The following MTR variants were observed in gnomAD, a reference collection of about 807,000 sequenced individuals.
MTR encodes methionine synthase.
Under a neutral mutation model 154.8 loss-of-function variants are expected in MTR, and 84 were observed. That is an observed-to-expected ratio of 0.54 (90% CI 0.45 to 0.65). The LOEUF is 0.65. Ranked by LOEUF, MTR falls within the 30% of genes least tolerant of loss-of-function variation. The probability of loss-of-function intolerance (pLI) is 0.00; values close to 1 mark genes in which losing one functional copy is unlikely to be tolerated. For missense variants in MTR, 1,275 were observed against 1,570.2 expected, an observed-to-expected ratio of 0.81 and a Z score of 3.18; for synonymous variants, 554 against 553.9, an observed-to-expected ratio of 1.00 and a Z score of 0.00.
chr1:236,851,924 C>T (rs935757316), intron 16 of MTR, among the ~76,000 whole-genome samples: 1 of 152,124 alleles, frequency 6.6e-6, no homozygotes, highest in African/African-American at 2.4e-5. Context: ...ACATTATGAA[C>T]AATGCAGCTC....
intron 15 of MTR, among the ~76,000 whole-genome samples, chr1:236,847,580 T>C (rs971272321): frequency 2.6e-5 from 4 of 152,246 alleles, no homozygotes; most frequent in Non-Finnish European, 5.9e-5. Flanking sequence ...TCCTTCTTGC[T>C]GCTTAGAATC....
At chr1:236,875,825 A>G (rs1665400699) in intron 24 of MTR, among the ~76,000 whole-genome samples, 1 of 138,642 alleles carries the variant, frequency 7.2e-6, no homozygotes, top group South Asian at 2.3e-4. Flanking sequence ...TCAATAGGAT[A>G]TGTTTATATA....
intron 8 of MTR, among the ~76,000 whole-genome samples, chr1:236,818,619 G>A (rs1197449635): frequency 1.3e-5 from 2 of 152,068 alleles, no homozygotes; most frequent in East Asian, 1.9e-4. Context: ...TCTCTATTTC[G>A]TTACGAATCT....
chr1:236,858,593 G>A (rs1237316942), intron 18 of MTR, among the ~76,000 whole-genome samples: 1 of 152,168 alleles, frequency 6.6e-6, no homozygotes, highest in African/African-American at 2.4e-5. Context: ...GCATCCTTTT[G>A]GCTACAGTGT....
chr1:236,861,000 C>A, intron 19 of MTR, 125 bp from the exon 20 acceptor site: 1 of 804,308 alleles, frequency 1.2e-6, no homozygotes, highest in Non-Finnish European at 1.9e-6. Context: ...AGTCCATGCA[C>A]TCTGCTTCTG....
chr1:236,881,354 AT>A (rs1665724682), intron 25 of MTR, among the ~76,000 whole-genome samples: 1 of 152,136 alleles, frequency 6.6e-6, no homozygotes, highest in Admixed American at 6.5e-5. Flanking sequence ...GAAGCCTAAC[AT>A]TCTATCTTGT....
chr1:236,872,740 C>CCCAG (rs1665209979), intron 22 of MTR, among the ~76,000 whole-genome samples: 1 of 152,134 alleles, frequency 6.6e-6, no homozygotes, highest in Non-Finnish European at 1.5e-5. Context: ...AGCCTATAAT[C>CCCAG]CTAGCTCAAG....
intron 15 of MTR, among the ~76,000 whole-genome samples, chr1:236,848,335 A>G (rs571679229): frequency 2.0e-5 from 3 of 152,152 alleles, no homozygotes; most frequent in African/African-American, 7.2e-5. Context: ...AATGACCAGG[A>G]CCTTGACTTC....
chr1:236,823,473 A>G, intron 8 of MTR, among the ~76,000 whole-genome samples: 1 of 152,198 alleles, frequency 6.6e-6, no homozygotes, highest in East Asian at 1.9e-4. Flanking sequence ...TTTTCCACTG[A>G]TAATCTGTTT....
At chr1:236,872,873 G>C in intron 22 of MTR, among the ~76,000 whole-genome samples, 1 of 152,148 alleles carries the variant, frequency 6.6e-6, no homozygotes, top group East Asian at 1.9e-4. Context: ...GTTTAGTGGG[G>C]CATGCCTGTG....
Position 236,897,772 on chromosome 1 carries a change from C to T in MTR, c.*128C>T, listed in dbSNP as rs1222169679. On this transcript the variant is annotated 3_prime_UTR_variant, in exon 33 of 33. Transcript: ENST00000366577. ...CTGACACTTACCTGCTTCTGGTTTT[C>T]GAAGACTATTTAGTGGAACCTTGTA... 15 of 820,194 alleles carry T rather than the reference C, an allele frequency of 1.8e-5. No homozygotes were observed. The highest frequency in any genetic ancestry group is 1.0e-4 in the African/African-American group (6 of 58,004). The allele number at this position is 820,194 out of a possible 1,614,324, so 50.8% of individuals were successfully genotyped here.
rs970472545 is a variant in MTR, at chr1:236,852,468, T to C, written c.1696-53T>C. 4.6e-5 allele frequency: 60 copies of C among 1,291,692 alleles called. No homozygotes were observed. In the African/African-American group the frequency reaches 6.6e-4, roughly 14 times the overall value. The allele number at this position is 1,291,692 out of a possible 1,614,324, so 80.0% of individuals were successfully genotyped here. A position where few individuals can be genotyped will look rare whatever the true frequency, so the allele number is the denominator to read the frequency against. On this transcript the variant is annotated intron_variant, in intron 16 of 32. Coordinates refer to ENST00000366577, the MANE Select transcript of MTR (RefSeq NM_000254.3). ...CTATATAAAGCTTAAGAGATGTGATTGCTGTTTTTGGCAAAAAAGGGGAAT... is the reference window on the plus strand; with the variant it reads ...CTATATAAAGCTTAAGAGATGTGATCGCTGTTTTTGGCAAAAAAGGGGAAT...
At chr1:236,826,163 T>C (rs1662275748) in intron 10 of MTR, among the ~76,000 whole-genome samples, 1 of 152,200 alleles carries the variant, frequency 6.6e-6, no homozygotes, top group Non-Finnish European at 1.5e-5. Flanking sequence ...AAACATTTTT[T>C]CAATTAATGT....
intron 15 of MTR, among the ~76,000 whole-genome samples, chr1:236,842,950 G>C (rs1379071605): frequency 6.6e-6 from 1 of 151,780 alleles, no homozygotes; most frequent in East Asian, 1.9e-4. Flanking sequence ...GCCAGATGTG[G>C]TAATGTATGC....
chr1:236,831,825 G>A (rs1662628655), intron 12 of MTR, 141 bp from the exon 13 acceptor site: 6 of 686,838 alleles, frequency 8.7e-6, no homozygotes, highest in Non-Finnish European at 1.6e-5. Context: ...CTATGGCCCT[G>A]TTTCCACATT....
chr1:236,863,721 C>A (rs1177044720), intron 22 of MTR, among the ~76,000 whole-genome samples, 167 bp downstream of exon 22: 2 of 152,092 alleles, frequency 1.3e-5, no homozygotes, highest in African/African-American at 4.8e-5. Context: ...TACGTGAACA[C>A]AGCATTTCAA....
chr1:236,887,221 A>G (rs1410169616), intron 27 of MTR, among the ~76,000 whole-genome samples: 1 of 152,188 alleles, frequency 6.6e-6, no homozygotes, highest in Non-Finnish European at 1.5e-5. Context: ...TGAGCGGATT[A>G]AATTGGAAAT....
chr1:236,802,517 G>T (rs80326214), intron 1 of MTR, among the ~76,000 whole-genome samples: 11,514 of 152,088 alleles, frequency 0.076, 895 homozygotes, highest in African/African-American at 0.2. Context: ...GTCATCATGC[G>T]CTTTTCCTTA....
At chr1:236,826,936 G>A in intron 11 of MTR, 40 bp downstream of exon 11, 1 of 1,538,398 alleles carries the variant, frequency 6.5e-7, no homozygotes, top group Non-Finnish European at 9.0e-7. Flanking sequence ...AAACCAAGTG[G>A]ATAATCAGGT....
Sources: gnomAD v4.1 joint callset for allele counts (sites outside exome capture counted in the v4.1 genomes callset) on GRCh38, gnomAD v4.1.1 for gene constraint, MANE v1.5 for transcripts, NCBI Gene and HGNC (gene_info 2026-07-23, HGNC 2026-07-21) for gene names.